TOGARAM1: variants seen among roughly 807,000 people sequenced by gnomAD.
The protein encoded by TOGARAM1 is TOG array regulator of axonemal microtubules protein 1.
A neutral mutation model predicts 166.6 loss-of-function variants in TOGARAM1; 100 were observed. The observed-to-expected ratio is 0.60, with a 90% CI of 0.51 to 0.71. The LOEUF (loss-of-function observed/expected upper bound fraction) is 0.71. TOGARAM1 is among the 30% of genes least tolerant of loss of function. The pLI is 0.00. For synonymous variants in TOGARAM1, 758 were observed against 763.8 expected (o/e 0.99, Z 0.13); for missense variants, 2,029 against 2,102.7 (o/e 0.96, Z 0.69).
chr14:45,054,169 C>T (rs1431164238), intron 15 of TOGARAM1, among the ~76,000 whole-genome samples: 1 of 152,132 alleles, frequency 6.6e-6, no homozygotes, highest in East Asian at 1.9e-4. Context: ...CCACACCCAG[C>T]CCAAAATACA....
chr14:45,070,835 CTCTGTT>C (rs1331738772), intron 18 of TOGARAM1, among the ~76,000 whole-genome samples: 1 of 152,090 alleles, frequency 6.6e-6, no homozygotes, highest in Non-Finnish European at 1.5e-5. Flanking sequence ...TTGTAAATTT[CTCTGTT>C]TCTATTATTA....
Position 45,046,617 on chromosome 14 carries a change from A to G in TOGARAM1, c.4227A>G (p.Glu1409=). 4 of 1,421,854 alleles carry G rather than the reference A, an allele frequency of 2.8e-6. No individual in the cohort carries two copies. The highest frequency in any genetic ancestry group is 3.7e-6 in the Non-Finnish European group (4 of 1,081,012). 88.1% of individuals were successfully genotyped at this position (1,421,854 alleles called of 1,614,324 possible). Residue 1409 remains glutamate, a synonymous_variant, in exon 14 of 20, where the codon GAA becomes GAG. Transcript: ENST00000361462. ...ATGTATTGGAATTTATGGAACCAGA[A>G]CGTATTTTATCTGCAGCAAAGGATA... is the stretch of plus-strand genomic sequence containing the variant. The part of the protein sequence containing the change: ...LSDVLEFMEP[E]RILSAAKDMA...
intron 3 of TOGARAM1, among the ~76,000 whole-genome samples, chr14:45,000,415 T>G (rs1490420257): frequency 1.3e-5 from 2 of 152,226 alleles, no homozygotes. Context: ...TTAATTTTTT[T>G]TCTTTTTTAG....
chr14:44,965,411 G>C (rs1282027818), intron 1 of TOGARAM1, among the ~76,000 whole-genome samples: 1 of 152,094 alleles, frequency 6.6e-6, no homozygotes, highest in Non-Finnish European at 1.5e-5. Flanking sequence ...ATTTTATCTA[G>C]AATAATATCC....
At position 45,025,891 on chromosome 14, in the gene TOGARAM1, G is replaced by A. The variant is rs367722905; in HGVS notation, c.3328+19G>A. ...GGAAAAGGTATTTCAAAGTTATTTC[G>A]CTTCTTAATTATATGTATTCATCAT... On this transcript the variant is annotated intron_variant, in intron 8 of 19. Coordinates refer to ENST00000361462, the MANE Select transcript of TOGARAM1 (RefSeq NM_001308120.2). The A allele has an allele frequency of 9.8e-6, 13 of 1,323,944 alleles. No individual in the cohort carries two copies. Among genetic ancestry groups the A allele is most frequent in the African/African-American group, 8.7e-5 (6 of 68,912 alleles). 82.0% of individuals were successfully genotyped at this position (1,323,944 alleles called of 1,614,324 possible).
Position 44,980,834 on chromosome 14 carries a change from GA to G in TOGARAM1, c.2047-14911del, listed in dbSNP as rs566247588. On this transcript the variant is annotated intron_variant, in intron 1 of 19. Coordinates refer to ENST00000361462, the MANE Select transcript of TOGARAM1 (RefSeq NM_001308120.2). ...GTTTTTGTTTGTTTCTCTTTTGGGGGAGGGGGTCTTTTCTTTTTAAAACAAT... is the reference window on the plus strand; with the variant it reads ...GTTTTTGTTTGTTTCTCTTTTGGGGGGGGGGTCTTTTCTTTTTAAAACAAT... Among the ~76,000 whole-genome samples, 68 of 152,292 alleles carry G rather than the reference GA, an allele frequency of 4.5e-4. 1 individual carries two copies. In the South Asian group the frequency reaches 0.014, roughly 31 times the overall value.
chr14:45,007,993 T>C (rs1368200189), intron 5 of TOGARAM1: 4 of 152,212 alleles, frequency 2.6e-5, no homozygotes, highest in African/African-American at 9.6e-5. Context: ...TTTTTCACTG[T>C]ACTACACTGC....
chr14:45,046,932 C>T (rs189017739), intron 14 of TOGARAM1, among the ~76,000 whole-genome samples: 30 of 152,204 alleles, frequency 2.0e-4, no homozygotes, highest in African/African-American at 6.5e-4. Context: ...TAGTGAGATG[C>T]CAAGTCACAG....
chr14:45,071,446 G>A (rs1883375995), intron 18 of TOGARAM1, among the ~76,000 whole-genome samples: 1 of 151,800 alleles, frequency 6.6e-6, no homozygotes, highest in Non-Finnish European at 1.5e-5. Context: ...TTGGGGTGCA[G>A]TGGCACAATC....
intron 11 of TOGARAM1, among the ~76,000 whole-genome samples, chr14:45,042,591 T>C (rs1044223935): frequency 1.6e-4 from 25 of 152,164 alleles, no homozygotes; most frequent in African/African-American, 6.0e-4. Flanking sequence ...TTGTATAAGG[T>C]ACACAATTAT....
intron 11 of TOGARAM1, among the ~76,000 whole-genome samples, chr14:45,042,541 A>G (rs1274404431): frequency 6.6e-6 from 1 of 152,116 alleles, no homozygotes; most frequent in African/African-American, 2.4e-5. Context: ...TAGAAATTTA[A>G]GGAGAAATAC....
At chr14:44,966,238 G>A (rs1885532676) in intron 1 of TOGARAM1, among the ~76,000 whole-genome samples, 2 of 151,746 alleles carry the variant, frequency 1.3e-5, no homozygotes, top group Admixed American at 1.3e-4. Flanking sequence ...TTGGGAGGCT[G>A]AGGCAGGCAG....
In TOGARAM1 at chr14:45,067,793, C is replaced by G. The variant is rs1271919898; in HGVS notation, c.4750-631C>G. ...GTATTAGAAATTATTAGTGAATAGTCTCAGCTCATAGAGTAGCTCTTCACT... is the reference window on the plus strand; with the variant it reads ...GTATTAGAAATTATTAGTGAATAGTGTCAGCTCATAGAGTAGCTCTTCACT... On this transcript the variant is annotated intron_variant, in intron 17 of 19. Coordinates refer to ENST00000361462, the MANE Select transcript of TOGARAM1 (RefSeq NM_001308120.2). 3.9e-5 allele frequency among the ~76,000 whole-genome samples: 6 copies of G among 152,066 alleles called. No homozygotes were observed. In the East Asian group the frequency reaches 1.2e-3, roughly 29 times the overall value.
chr14:44,995,560 C>A, intron 1 of TOGARAM1, 186 bp from the exon 2 acceptor site: 1 of 615,420 alleles, frequency 1.6e-6, no homozygotes, highest in Non-Finnish European at 3.0e-6. Flanking sequence ...TAGCATTTCT[C>A]TTCTGGAATG....
chr14:45,056,703 C>G (rs1307524522), intron 16 of TOGARAM1, among the ~76,000 whole-genome samples: 1 of 152,042 alleles, frequency 6.6e-6, no homozygotes, highest in African/African-American at 2.4e-5. Flanking sequence ...CCTTGCATCC[C>G]TGGTATAAAA....
intron 11 of TOGARAM1, among the ~76,000 whole-genome samples, chr14:45,034,071 C>A (rs934082651): frequency 1.2e-4 from 18 of 152,220 alleles, no homozygotes; most frequent in African/African-American, 4.3e-4. Context: ...GCACAAGAAT[C>A]GCTTGAACCT....
chr14:44,987,178 A>G (rs1049921086), intron 1 of TOGARAM1, among the ~76,000 whole-genome samples: 1 of 151,560 alleles, frequency 6.6e-6, no homozygotes, highest in Non-Finnish European at 1.5e-5. Flanking sequence ...TGACCTCGTG[A>G]TCTGCCCGCC....
intron 10 of TOGARAM1, among the ~76,000 whole-genome samples, chr14:45,030,211 C>A (rs1881079337): frequency 6.6e-6 from 1 of 152,092 alleles, no homozygotes; most frequent in African/African-American, 2.4e-5. Flanking sequence ...AAATAACATT[C>A]TTCAGGTGAA....
intron 7 of TOGARAM1, among the ~76,000 whole-genome samples, chr14:45,014,043 C>CTT (rs33935090): frequency 0.11 from 13,735 of 127,780 alleles, 1,580 homozygotes; most frequent in African/African-American, 0.28. Context: ...GTTGCGTAAT[C>CTT]TTTTTTTTTT....
Sources: gnomAD v4.1 joint callset for allele counts (sites outside exome capture counted in the v4.1 genomes callset) on GRCh38, gnomAD v4.1.1 for gene constraint, MANE v1.5 for transcripts, NCBI Gene and HGNC (gene_info 2026-07-23, HGNC 2026-07-21) for gene names.